Variants in DENND2B observed in about 807,000 individuals in gnomAD.
DENND2B encodes the protein DENN domain-containing protein 2B.
Under a neutral mutation model 116.0 loss-of-function variants are expected in DENND2B, and 32 were observed. The ratio of observed to expected loss-of-function variants is 0.28; its 90% CI spans 0.21 to 0.37. The LOEUF is 0.37. Among genes scored for constraint, DENND2B ranks in the 10% least tolerant of loss-of-function variants. The pLI is 1.00. For missense variants in DENND2B, 1,276 were observed against 1,477.7 expected (o/e 0.86, Z 2.24); for synonymous variants, 588 against 583.9 (o/e 1.01, Z -0.10).
intron 2 of DENND2B, among the ~76,000 whole-genome samples, chr11:8,743,865 G>A (rs1382243870): frequency 1.3e-5 from 2 of 151,532 alleles, no homozygotes; most frequent in Non-Finnish European, 2.9e-5. Context: ...TCCCACCTCA[G>A]CCTCCAGAGG....
chr11:8,842,286 A>C (rs1371174233), intron 3 of DENND2B, among the ~76,000 whole-genome samples: 1 of 152,212 alleles, frequency 6.6e-6, no homozygotes. Flanking sequence ...AAGGAATCAA[A>C]GTCGTGCAGT....
At chr11:8,797,167 T>C (rs1323383205) in intron 1 of DENND2B, among the ~76,000 whole-genome samples, 1 of 152,166 alleles carries the variant, frequency 6.6e-6, no homozygotes, top group Non-Finnish European at 1.5e-5. Context: ...CCTGCAGATG[T>C]TACAACATCA....
At chr11:8,711,003 G>A (rs2043564063) in intron 10 of DENND2B, 89 bp from the exon 11 acceptor site, 5 of 1,574,610 alleles carry the variant, frequency 3.2e-6, no homozygotes, top group South Asian at 2.2e-5. Flanking sequence ...TTCACGTGGG[G>A]TGAAGGGCCA....
At chr11:8,758,408 G>C (rs891513400) in intron 1 of DENND2B, among the ~76,000 whole-genome samples, 3 of 152,092 alleles carry the variant, frequency 2.0e-5, no homozygotes, top group Non-Finnish European at 4.4e-5. Flanking sequence ...TCAGTCTCCA[G>C]GTGTGCTCCG....
chr11:8,734,562 T>C (rs941358665), intron 2 of DENND2B, among the ~76,000 whole-genome samples: 4 of 151,908 alleles, frequency 2.6e-5, no homozygotes, highest in African/African-American at 9.7e-5. Context: ...CTGAGACAGA[T>C]GGATGACCTG....
intron 2 of DENND2B, among the ~76,000 whole-genome samples, chr11:8,747,209 G>C (rs935248184): frequency 1.3e-4 from 20 of 152,018 alleles, no homozygotes; most frequent in Admixed American, 6.6e-5. Context: ...CAAAGTCCTT[G>C]CCCTCAAGAA....
chr11:8,902,171 C>A (rs2134761365), intron 1 of DENND2B, among the ~76,000 whole-genome samples: 1 of 152,096 alleles, frequency 6.6e-6, no homozygotes. Context: ...ATTAAAAATA[C>A]AAAAAGTAGC....
intron 3 of DENND2B, among the ~76,000 whole-genome samples, chr11:8,841,193 T>C (rs1340601757): frequency 6.6e-6 from 1 of 152,228 alleles, no homozygotes. Flanking sequence ...TTTTAATTTA[T>C]TTATTATTTT....
At chr11:8,694,685 GA>G (rs1322186475) in intron 19 of DENND2B, 6 of 449,516 alleles carry the variant, frequency 1.3e-5, no homozygotes, top group East Asian at 7.0e-5. Context: ...ATATTTGGGG[GA>G]AAAAATGGAT....
At position 8,730,149 on chromosome 11, in the gene DENND2B, C is replaced by G. The variant is rs763434311; in HGVS notation, c.1141G>C (p.Asp381His). ...SQRLPSKSSL[D>H]PAVNPVPKPK... ...TTGGGGACAGGGTTCACAGCGGGAT[C>G]GAGGGAACTCTTCGATGGCAGCCGC... Residue 381 changes from aspartate to histidine, a missense_variant, in exon 3 of 20, where the codon GAT becomes CAT. By Grantham distance (81) the Asp-to-His change is moderately conservative. Coordinates refer to ENST00000313726, the MANE Select transcript of DENND2B (RefSeq NM_213618.2). The surrounding 1 kb of genome is among the most constrained non-coding windows in gnomAD (Gnocchi z 4.1). The G allele has an allele frequency of 3.7e-6, 6 of 1,614,036 alleles. No individual in the cohort carries two copies. Among genetic ancestry groups the G allele is most frequent in the East Asian group, 4.5e-5 (2 of 44,888 alleles).
intron 4 of DENND2B, among the ~76,000 whole-genome samples, chr11:8,829,334 T>C (rs1047503875): frequency 6.6e-6 from 1 of 152,076 alleles, no homozygotes; most frequent in Admixed American, 6.6e-5. Context: ...TCAGCAGTGG[T>C]GTCTTTGCAG....
At chr11:8,736,137 C>T (rs1241713892) in intron 2 of DENND2B, among the ~76,000 whole-genome samples, 1 of 152,156 alleles carries the variant, frequency 6.6e-6, no homozygotes, top group African/African-American at 2.4e-5. Flanking sequence ...AAGGAAGCCA[C>T]CTATCACCAA....
intron 1 of DENND2B, among the ~76,000 whole-genome samples, chr11:8,806,611 C>T (rs973218253): frequency 6.6e-6 from 1 of 150,408 alleles, no homozygotes; most frequent in African/African-American, 2.4e-5. Context: ...TCAAAACACA[C>T]ACACACACAC....
chr11:8,799,010 C>T (rs1346576888), intron 1 of DENND2B, among the ~76,000 whole-genome samples: 2 of 152,000 alleles, frequency 1.3e-5, no homozygotes, highest in East Asian at 1.9e-4. Flanking sequence ...TATTTAGAGA[C>T]AAGGTTTCAC....
intron 1 of DENND2B, among the ~76,000 whole-genome samples, chr11:8,893,333 G>T (rs1409632411): frequency 6.6e-6 from 1 of 152,092 alleles, no homozygotes; most frequent in South Asian, 2.1e-4. Context: ...TTTGAAAACC[G>T]GCACAAGACA....
chr11:8,738,957 G>A lies in DENND2B; in HGVS notation c.81-7748C>T, dbSNP rs556519855. On this transcript the variant is annotated intron_variant, in intron 2 of 19. Transcript: ENST00000313726. ...CCTCCACTGGGGAGACATCTGTGAT[G>A]GCATGTATAACACTGCATTGCACCA... Among the ~76,000 whole-genome samples the A allele has an allele frequency of 2.0e-5, 3 of 152,254 alleles. No individual in the cohort carries two copies. In the South Asian group the frequency reaches 6.2e-4, roughly 32 times the overall value.
intron 3 of DENND2B, among the ~76,000 whole-genome samples, chr11:8,852,641 C>T (rs981696581): frequency 6.6e-6 from 1 of 152,116 alleles, no homozygotes; most frequent in Non-Finnish European, 1.5e-5. Context: ...TGTATGCAAA[C>T]GTTGAAATCC....
intron 4 of DENND2B, among the ~76,000 whole-genome samples, chr11:8,820,465 G>C (rs980002781): frequency 1.3e-5 from 2 of 152,046 alleles, no homozygotes; most frequent in African/African-American, 4.8e-5. Flanking sequence ...TCTGTTTCCA[G>C]CACTATTTTT....
At chr11:8,774,864 T>G (rs1314696034) in intron 1 of DENND2B, among the ~76,000 whole-genome samples, 3 of 134,654 alleles carry the variant, frequency 2.2e-5, no homozygotes, top group Non-Finnish European at 4.6e-5. Context: ...ATTTTTTTCG[T>G]TTTTTTTTTT....
Sources: allele counts gnomAD v4.1 joint callset (sites outside exome capture counted in the v4.1 genomes callset), GRCh38; gene constraint gnomAD v4.1.1; non-coding constraint Gnocchi (gnomAD v3.1); transcripts MANE v1.5; gene names NCBI Gene and HGNC (gene_info 2026-07-23, HGNC 2026-07-21).